ADGRB1: variants seen among roughly 807,000 people sequenced by gnomAD.
ADGRB1 encodes the protein brain-specific angiogenesis inhibitor 1.
A neutral mutation model predicts 175.7 loss-of-function variants in ADGRB1; 36 were observed. The ratio of observed to expected loss-of-function variants is 0.20; its 90% confidence interval spans 0.16 to 0.27. The LOEUF is 0.27. Ranked by LOEUF, ADGRB1 falls within the 10% of genes least tolerant of loss-of-function variation. ADGRB1 has a pLI of 1.00. For missense variants in ADGRB1, 1,731 were observed against 2,255.3 expected (o/e 0.77, Z 4.71); for synonymous variants, 1,054 against 979.4 (o/e 1.08, Z -1.42).
At chr8:142,472,786 A>T (rs189487711) in intron 2 of ADGRB1, among the ~76,000 whole-genome samples, 1 of 152,292 alleles carries the variant, frequency 6.6e-6, no homozygotes, top group East Asian at 1.9e-4. Flanking sequence ...TCAGTCTGTG[A>T]TAAGGATCAA....
At chr8:142,516,211 TGTGTGCGGGCCCCAGGTGTGTGTGTGC>T (rs1843410891) in intron 18 of ADGRB1, among the ~76,000 whole-genome samples, 9 of 147,988 alleles carry the variant, frequency 6.1e-5, no homozygotes, top group Admixed American at 2.7e-4. Flanking sequence ...GGTGCATGCG[TGTGTGCGGGCCCCAGGTGTGTGTGTGC>T]GTGTGCGGGC....
chr8:142,464,673 C>A lies in ADGRB1; in HGVS notation c.475C>A (p.Arg159=), dbSNP rs772928513. 6.3e-5 allele frequency: 96 copies of A among 1,523,980 alleles called. No homozygotes were observed. Among genetic ancestry groups the A allele is most frequent in the Non-Finnish European group, 6.7e-5 (77 of 1,141,550 alleles). The allele number at this position is 1,523,980 out of a possible 1,614,324, so 94.4% of individuals were successfully genotyped here. A position where few individuals can be genotyped will look rare whatever the true frequency, so the allele number is the denominator to read the frequency against. ...QPPQHDGLRP[R]AGPPGPTDDF... ...GCCCCAGCACGACGGGCTCCGGCCCCGGGCCGGGCCGCCGGGCCCCACCGA... is the reference window on the plus strand; with the variant it reads ...GCCCCAGCACGACGGGCTCCGGCCCAGGGCCGGGCCGCCGGGCCCCACCGA... The change falls in exon 2 of 31, where the codon CGG becomes AGG. Residue 159 remains arginine, a synonymous_variant. Transcript: ENST00000517894.
chr8:142,499,806 ACTTCCTGGGTGCCTGCTCGGTGCCGGGC>A (rs1442244707), intron 17 of ADGRB1, among the ~76,000 whole-genome samples: 1 of 152,214 alleles, frequency 6.6e-6, no homozygotes, highest in East Asian at 1.9e-4. Context: ...GAGGGCCGCC[ACTTCCTGGGTGCCTGCTCGGTGCCGGGC>A]CTTCTGCCAG....
rs960627786 is a variant in ADGRB1 at position 142,524,379 on chromosome 8, T to C, written c.3312+75T>C. ...ACCTGCCTCCTGGGCCTCGGTGCTG[T>C]CTCATGCCCCAGGCTGTGCACCTGC... is the stretch of plus-strand genomic sequence containing the variant. On this transcript the variant is annotated intron_variant, in intron 23 of 30. Coordinates refer to ENST00000517894, the MANE Select transcript of ADGRB1 (RefSeq NM_001702.3). 14 of 1,428,860 alleles carry C rather than the reference T, an allele frequency of 9.8e-6. No individual in the cohort carries two copies. The African/African-American group carries it at 1.7e-4, about 17-fold the overall frequency. 88.5% of individuals were successfully genotyped at this position (1,428,860 alleles called of 1,614,324 possible). A position where few individuals can be genotyped will look rare whatever the true frequency, so the allele number is the denominator to read the frequency against.
intron 25 of ADGRB1, among the ~76,000 whole-genome samples, chr8:142,534,901 C>T (rs911785266): frequency 4.6e-5 from 7 of 152,220 alleles, no homozygotes; most frequent in Non-Finnish European, 8.8e-5. Context: ...CCACCTGCTC[C>T]GTTCCAGACA....
intron 18 of ADGRB1, among the ~76,000 whole-genome samples, chr8:142,515,882 C>T (rs546494713): frequency 2.0e-4 from 31 of 152,356 alleles, no homozygotes; most frequent in African/African-American, 6.5e-4. Context: ...CTGCCGGGCA[C>T]GGCATCACTG....
chr8:142,531,761 A>C (rs1157585172), intron 24 of ADGRB1, among the ~76,000 whole-genome samples: 1 of 152,158 alleles, frequency 6.6e-6, no homozygotes, highest in Non-Finnish European at 1.5e-5. Context: ...TCCCTGCCGG[A>C]CAGCATCACT....
In ADGRB1 at chr8:142,541,938, C is replaced by T. The variant is rs1845297130; in HGVS notation, c.3707-3C>T. On this transcript the variant is annotated splice_region_variant and splice_polypyrimidine_tract_variant and intron_variant, in intron 27 of 30. Transcript: ENST00000517894. ...CCCGCTGTCTCCCCCGCGGCCCCTG[C>T]AGTGCTGAACAAGGACATCGCGGCC... is the stretch of plus-strand genomic sequence containing the variant. The T allele has an allele frequency of 2.6e-6, 4 of 1,544,304 alleles. No individual in the cohort carries two copies. Among genetic ancestry groups the T allele is most frequent in the Non-Finnish European group, 3.5e-6 (4 of 1,147,626 alleles).
rs76665048 is a variant in ADGRB1 at position 142,500,399 on chromosome 8, G to A, written c.2675+9584G>A. Among the ~76,000 whole-genome samples the A allele has an allele frequency of 1.6e-3, 128 of 80,806 alleles. 11 individuals are homozygous for A. The highest frequency in any genetic ancestry group is 9.5e-3 in the African/African-American group (111 of 11,634). 53.0% of individuals were successfully genotyped at this position (80,806 alleles called of 152,430 possible). Reference sequence around the variant, plus strand: ...CTGCCCCCCGCGCCGCTCCTCCCCCGCCCCCTACACCGCTCCTCCACCACC... The same window carrying A: ...CTGCCCCCCGCGCCGCTCCTCCCCCACCCCCTACACCGCTCCTCCACCACC... On this transcript the variant is annotated intron_variant, in intron 17 of 30. Transcript: ENST00000517894.
At chr8:142,465,042 AGACAGGGGAGGCGGGC>A in intron 2 of ADGRB1, 60 bp downstream of exon 2, 1 of 657,680 alleles carries the variant, frequency 1.5e-6, no homozygotes, top group Non-Finnish European at 2.1e-6. Context: ...GGAGGCGGGC[AGACAGGGGAGGCGGGC>A]GGATGGGGGA....
chr8:142,539,598 A>C, intron 27 of ADGRB1, 185 bp downstream of exon 27: 6 of 664,330 alleles, frequency 9.0e-6, no homozygotes, highest in African/African-American at 1.8e-5. Flanking sequence ...CCAGCCTTCC[A>C]CCCCCGTCCA....
chr8:142,477,219 C>G lies in ADGRB1; in HGVS notation c.1163C>G (p.Thr388Arg). 6.2e-7 allele frequency: 1 copy of G among 1,601,096 alleles called. No homozygotes were observed. Among genetic ancestry groups the G allele is most frequent in the Non-Finnish European group, 8.5e-7 (1 of 1,178,056 alleles). ...TTCTGCGTGTCCTCCTCCTACAGCA[C>G]GCAGTGCAGCGGACCCCTGCGCGAG... ...TRFCVSSSYSTQCSGPLREQR... is the reference protein window; with the variant it reads ...TRFCVSSSYSRQCSGPLREQR... Residue 388 changes from threonine to arginine, a missense_variant, in exon 5 of 31, where the codon ACG becomes AGG. This residue lies in a region of ADGRB1 where 178 missense variants were observed against 227.8 expected (regional missense o/e 0.78). Coordinates refer to ENST00000517894, the MANE Select transcript of ADGRB1 (RefSeq NM_001702.3).
At chr8:142,509,978 C>T (rs1842995746) in intron 17 of ADGRB1, among the ~76,000 whole-genome samples, 1 of 152,082 alleles carries the variant, frequency 6.6e-6, no homozygotes, top group African/African-American at 2.4e-5. Context: ...GGCTCCAGGG[C>T]CAGGTCTGTG....
chr8:142,463,185 C>G (rs1235410381), intron 1 of ADGRB1, among the ~76,000 whole-genome samples: 1 of 152,200 alleles, frequency 6.6e-6, no homozygotes, highest in Non-Finnish European at 1.5e-5. Context: ...CTCCATCCCC[C>G]CTCCATCCCT....
In ADGRB1 at chr8:142,459,184, C is replaced by T. The variant is rs558740361; in HGVS notation, c.-219-4796C>T. Among the ~76,000 whole-genome samples the T allele has an allele frequency of 1.4e-3, 210 of 152,348 alleles. 3 individuals are homozygous for T. Among genetic ancestry groups the T allele is most frequent in the African/African-American group, 4.8e-3 (201 of 41,580 alleles). Reference sequence around the variant, plus strand: ...GGGTCCCTGACTGCTGCATGGAACACGCCTTTGGAGGATGAGGCTGGAAAA... The same window carrying T: ...GGGTCCCTGACTGCTGCATGGAACATGCCTTTGGAGGATGAGGCTGGAAAA... On this transcript the variant is annotated intron_variant, in intron 1 of 30. Coordinates refer to ENST00000517894, the MANE Select transcript of ADGRB1 (RefSeq NM_001702.3).
chr8:142,527,631 C>T (rs1844286454), intron 24 of ADGRB1, among the ~76,000 whole-genome samples: 1 of 152,108 alleles, frequency 6.6e-6, no homozygotes, highest in African/African-American at 2.4e-5. Flanking sequence ...CTCTCTAAGG[C>T]CTTGCCCTAC....
At chr8:142,465,085 A>T (rs1032690541) in intron 2 of ADGRB1, 103 bp downstream of exon 2, 28 of 213,264 alleles carry the variant, frequency 1.3e-4, no homozygotes, top group Non-Finnish European at 1.8e-4. Context: ...CGGACAGAGG[A>T]GGTGGGCGGG....
intron 24 of ADGRB1, 129 bp from the exon 25 acceptor site, chr8:142,533,166 C>A: frequency 9.1e-7 from 1 of 1,098,312 alleles, no homozygotes; most frequent in Non-Finnish European, 1.3e-6. Flanking sequence ...CTGCTTGGCC[C>A]AGGCCCCCAG....
chr8:142,483,172 C>T (rs1241607126), intron 11 of ADGRB1, among the ~76,000 whole-genome samples: 2 of 143,094 alleles, frequency 1.4e-5, no homozygotes, highest in African/African-American at 2.7e-5. Flanking sequence ...TGAGCCCTGA[C>T]CCTGGTCACA....
Sources: gnomAD v4.1 joint callset for allele counts (sites outside exome capture counted in the v4.1 genomes callset) on GRCh38, gnomAD v4.1.1 for gene constraint, gnomAD v4.1.1 regional missense constraint, MANE v1.5 for transcripts, NCBI Gene and HGNC (gene_info 2026-07-23, HGNC 2026-07-21) for gene names.